The following MCUR1 variants were observed in gnomAD, a reference collection of about 807,000 sequenced individuals.
MCUR1 encodes MCU regulator 1.
Under a neutral mutation model 42.0 loss-of-function variants are expected in MCUR1, and 37 were observed. The ratio of observed to expected loss-of-function variants is 0.88; its 90% CI spans 0.68 to 1.16. MCUR1 has a LOEUF of 1.16. MCUR1 is among the 50% of genes most tolerant of loss of function. The probability of loss-of-function intolerance (pLI) is 0.00; values close to 1 mark genes in which losing one functional copy is unlikely to be tolerated. For synonymous variants in MCUR1, 229 were observed against 196.2 expected (o/e 1.17, Z -1.40); for missense variants, 469 against 468.4 (o/e 1.00, Z -0.01).
In MCUR1 at chr6:13,801,358, A is replaced by G. The variant is rs1759985002; in HGVS notation, c.671T>C (p.Ile224Thr). Residue 224 changes from isoleucine to threonine, a missense_variant, in exon 4 of 9, where the codon ATT (isoleucine) becomes ACT (threonine). Physicochemically the swap from Ile to Thr is moderately conservative, Grantham distance 89. Transcript: ENST00000379170. ...EITFQQVMSQ[I>T]ANVKKDMIIL... The stretch of plus-strand genomic sequence containing the variant: ...AATCATATCCTTTTTCACATTCGCA[A>G]TCTGAGACATTACTTGCTGAAAAGT... The G allele has an allele frequency of 6.2e-7, 1 of 1,612,496 alleles. No homozygotes were observed.
At chr6:13,799,735 A>G (rs1002082479) in intron 5 of MCUR1, among the ~76,000 whole-genome samples, 2 of 152,160 alleles carry the variant, frequency 1.3e-5, no homozygotes, top group African/African-American at 2.4e-5. Flanking sequence ...TTCTCTAAAG[A>G]CAGTCTAAGA....
chr6:13,793,672 T>C (rs1252280194), intron 7 of MCUR1, among the ~76,000 whole-genome samples: 1 of 152,254 alleles, frequency 6.6e-6, no homozygotes, highest in Non-Finnish European at 1.5e-5. Flanking sequence ...CCAGTGGCGA[T>C]GGTTGCCCCA....
At chr6:13,798,261 T>A (rs892998771) in intron 6 of MCUR1, among the ~76,000 whole-genome samples, 19 of 151,526 alleles carry the variant, frequency 1.3e-4, no homozygotes, top group African/African-American at 4.3e-4. Context: ...ATGCCCGGCT[T>A]ATTTTTTGTA....
At position 13,791,976 on chromosome 6, in the gene MCUR1, C is replaced by G; in HGVS notation, c.926G>C (p.Arg309Pro). ...EIVALHAQQD[R>P]ALTQTDRKIE... ...CTTCCTGTCTGTCTGGGTAAGGGCC[C>G]GATCTTGCTGGGCATGCTTTTAAAA... Residue 309 changes from arginine to proline, a missense_variant, in exon 8 of 9, where the codon CGG becomes CCG. Physicochemically the swap from Arg to Pro is moderately radical, Grantham distance 103. Coordinates refer to ENST00000379170, the MANE Select transcript of MCUR1 (RefSeq NM_001031713.4). The G allele has an allele frequency of 6.2e-7, 1 of 1,613,862 alleles. No individual in the cohort carries two copies. Among genetic ancestry groups the G allele is most frequent in the Non-Finnish European group, 8.5e-7 (1 of 1,179,878 alleles).
chr6:13,801,062 G>A (rs1759977759), intron 4 of MCUR1, among the ~76,000 whole-genome samples: 1 of 152,164 alleles, frequency 6.6e-6, no homozygotes, highest in Admixed American at 6.5e-5. Flanking sequence ...ACTAGTTAAT[G>A]GTGTTATCAG....
intron 7 of MCUR1, among the ~76,000 whole-genome samples, chr6:13,793,088 T>C (rs952569975): frequency 7.6e-6 from 1 of 131,122 alleles, no homozygotes; most frequent in African/African-American, 3.0e-5. Context: ...ATTGAGCCAC[T>C]GCACTCCAGC....
At chr6:13,804,585 T>C (rs1220042221) in intron 2 of MCUR1, among the ~76,000 whole-genome samples, 1 of 151,068 alleles carries the variant, frequency 6.6e-6, no homozygotes, top group Non-Finnish European at 1.5e-5. Flanking sequence ...CCATCCTGGC[T>C]AACACAGTGA....
chr6:13,803,039 G>A (rs964566933), intron 2 of MCUR1, among the ~76,000 whole-genome samples: 2 of 151,994 alleles, frequency 1.3e-5, no homozygotes, highest in African/African-American at 2.4e-5. Flanking sequence ...TGAATTGAAT[G>A]ATAGAGATTC....
chr6:13,787,645 C>T lies in MCUR1; in HGVS notation c.*3164G>A, dbSNP rs1228185019. 11 of 152,172 alleles carry T rather than the reference C, an allele frequency of 7.2e-5. No individual in the cohort carries two copies. Among genetic ancestry groups the T allele is most frequent in the South Asian group, 6.2e-4 (3 of 4,824 alleles). The allele number at this position is 152,172 out of a possible 1,614,324, so 9.4% of individuals were successfully genotyped here. On this transcript the variant is annotated 3_prime_UTR_variant, in exon 9 of 9. Transcript: ENST00000379170. ...GGAGAGGGAAATACAGACGTTCCGT[C>T]CATGTGAGATTCTGCTTCAGGTATT... is the stretch of plus-strand genomic sequence containing the variant.
intron 6 of MCUR1, among the ~76,000 whole-genome samples, chr6:13,797,601 T>G (rs944528535): frequency 2.6e-5 from 4 of 151,842 alleles, no homozygotes; most frequent in Admixed American, 2.0e-4. Context: ...CCAGCTACTC[T>G]GGAGGCTGAG....
At chr6:13,800,488 C>A in intron 4 of MCUR1, 106 bp from the exon 5 acceptor site, 1 of 633,676 alleles carries the variant, frequency 1.6e-6, no homozygotes, top group Non-Finnish European at 2.8e-6. Flanking sequence ...GTTTTTCCTT[C>A]ATTCAGAACA....
At chr6:13,801,233 T>A in intron 4 of MCUR1, 55 bp downstream of exon 4, 1 of 1,183,286 alleles carries the variant, frequency 8.5e-7, no homozygotes, top group Non-Finnish European at 1.2e-6. Context: ...TGTATATAAT[T>A]TATCTCAATG....
At chr6:13,791,393 A>C (rs1759725812) in intron 8 of MCUR1, among the ~76,000 whole-genome samples, 1 of 152,210 alleles carries the variant, frequency 6.6e-6, no homozygotes, top group African/African-American at 2.4e-5. Context: ...TAAAATATTT[A>C]ATTAATCCAA....
chr6:13,814,484 G>C lies in MCUR1; in HGVS notation c.-55C>G. The C allele has an allele frequency of 7.0e-7, 1 of 1,418,630 alleles. No individual in the cohort carries two copies. 87.9% of individuals were successfully genotyped at this position (1,418,630 alleles called of 1,614,324 possible). A position where few individuals can be genotyped will look rare whatever the true frequency, so the allele number is the denominator to read the frequency against. On this transcript the variant is annotated 5_prime_UTR_variant, in exon 1 of 9. Transcript: ENST00000379170. ...GCTCATGCCTCTCGCTTTTGGCGCC[G>C]GCCACGCGCGGTCCAGGCCCAGAGT...
chr6:13,791,231 G>A lies in MCUR1; in HGVS notation c.1025-367C>T, dbSNP rs555714793. Among the ~76,000 whole-genome samples the A allele has an allele frequency of 2.2e-4, 33 of 152,302 alleles. No individual in the cohort carries two copies. In the South Asian group the frequency reaches 4.3e-3, roughly 20 times the overall value. ...AATCTTTTTGTAGAGACTAGGTCTCGCTGTGTTGCCTAGGCTAAGAAAACT... is the reference window on the plus strand; with the variant it reads ...AATCTTTTTGTAGAGACTAGGTCTCACTGTGTTGCCTAGGCTAAGAAAACT... On this transcript the variant is annotated intron_variant, in intron 8 of 8. Coordinates refer to ENST00000379170, the MANE Select transcript of MCUR1 (RefSeq NM_001031713.4).
chr6:13,799,123 TCCCAGTTAGACACAAATAA>T (rs931093453), intron 5 of MCUR1, among the ~76,000 whole-genome samples: 2 of 151,906 alleles, frequency 1.3e-5, no homozygotes, highest in Non-Finnish European at 2.9e-5. Flanking sequence ...TCCCAGGACT[TCCCAGTTAGACACAAATAA>T]CCCCCTTCTA....
chr6:13,813,515 A>C (rs754096058), intron 1 of MCUR1, among the ~76,000 whole-genome samples: 13 of 152,210 alleles, frequency 8.5e-5, no homozygotes, highest in Non-Finnish European at 7.3e-5. Context: ...TTGTGGACTG[A>C]TATATCTCAC....
chr6:13,806,511 G>A (rs1047857546), intron 2 of MCUR1, among the ~76,000 whole-genome samples: 12 of 152,232 alleles, frequency 7.9e-5, no homozygotes, highest in Non-Finnish European at 1.8e-4. Flanking sequence ...TGGACAAAGA[G>A]ACAATGTGTG....
chr6:13,800,716 C>A (rs1479601559), intron 4 of MCUR1, among the ~76,000 whole-genome samples: 3 of 152,190 alleles, frequency 2.0e-5, no homozygotes. Flanking sequence ...AACTTTACCA[C>A]TTTACTTTTT....
Sources: allele counts gnomAD v4.1 joint callset (sites outside exome capture counted in the v4.1 genomes callset), GRCh38; gene constraint gnomAD v4.1.1; transcripts MANE v1.5; gene names NCBI Gene and HGNC (gene_info 2026-07-23, HGNC 2026-07-21).